Variants in ANKRD10 observed in about 807,000 individuals in gnomAD.
The protein encoded by ANKRD10 is ankyrin repeat domain-containing protein 10.
ANKRD10 carries 14 observed loss-of-function variants against 27.0 expected under a neutral mutation model. That is an observed-to-expected ratio of 0.52 (90% confidence interval 0.34 to 0.81). The LOEUF is 0.81. ANKRD10 is among the 40% of genes least tolerant of loss of function. The pLI is 0.01. For synonymous variants in ANKRD10, 250 were observed against 224.5 expected, an observed-to-expected ratio of 1.11 and a Z score of -1.01; for missense variants, 493 against 544.0, an observed-to-expected ratio of 0.91 and a Z score of 0.93.
chr13:110,899,945 C>T (rs1289070414), intron 3 of ANKRD10, among the ~76,000 whole-genome samples: 2 of 152,134 alleles, frequency 1.3e-5, no homozygotes, highest in African/African-American at 4.8e-5. Context: ...AGCACAGTGG[C>T]TCAACCCTAT....
At chr13:110,895,723 C>A (rs1045766518) in intron 3 of ANKRD10, among the ~76,000 whole-genome samples, 2 of 152,314 alleles carry the variant, frequency 1.3e-5, no homozygotes, top group African/African-American at 4.8e-5. Context: ...GAAGACTACA[C>A]TGAATTTGGG....
chr13:110,914,813 A>T lies in ANKRD10; in HGVS notation c.122T>A (p.Leu41Gln), dbSNP rs1336142421. 1 of 1,590,162 alleles carries T rather than the reference A, an allele frequency of 6.3e-7. No homozygotes were observed. The highest frequency in any genetic ancestry group is 8.6e-7 in the Non-Finnish European group (1 of 1,169,314). ...RDGDLATLCS[L>Q]LQQTPHAHLA... ...GTGGGCGTGGGGTGTCTGCTGCAGC[A>T]GCGAGCAGAGCGTGGCCAGGTCCCC... is the stretch of plus-strand genomic sequence containing the variant. Residue 41 changes from leucine to glutamine, a missense_variant, in exon 1 of 6, where the codon CTG (leucine) becomes CAG (glutamine). Coordinates refer to ENST00000267339, the MANE Select transcript of ANKRD10 (RefSeq NM_017664.4).
intron 4 of ANKRD10, among the ~76,000 whole-genome samples, chr13:110,892,027 T>C (rs188724917): frequency 6.6e-6 from 1 of 151,570 alleles, no homozygotes; most frequent in Admixed American, 6.6e-5. Flanking sequence ...ACATCTTATA[T>C]ATAGATATAG....
intron 3 of ANKRD10, among the ~76,000 whole-genome samples, chr13:110,897,537 G>C (rs181048322): frequency 1.6e-3 from 242 of 152,110 alleles, no homozygotes; most frequent in Non-Finnish European, 2.7e-3. Context: ...GAGAATAACA[G>C]AATTTTGTTT....
At chr13:110,892,838 T>C (rs2065118265) in intron 4 of ANKRD10, 190 bp downstream of exon 4, 14 of 1,371,616 alleles carry the variant, frequency 1.0e-5, no homozygotes, top group African/African-American at 1.5e-5. Context: ...TTCCCTCACA[T>C]TCCCTTTTGT....
intron 1 of ANKRD10, among the ~76,000 whole-genome samples, chr13:110,913,468 C>T (rs888688793): frequency 1.3e-5 from 2 of 152,232 alleles, no homozygotes; most frequent in Non-Finnish European, 2.9e-5. Flanking sequence ...CCACAGGAAC[C>T]TAACAGCCCT....
intron 2 of ANKRD10, among the ~76,000 whole-genome samples, 197 bp from the exon 3 acceptor site, chr13:110,906,321 T>A (rs567809844): frequency 6.6e-6 from 1 of 152,098 alleles, no homozygotes; most frequent in Non-Finnish European, 1.5e-5. Context: ...GCCAAGATAT[T>A]TGGTCGTTGA....
At chr13:110,901,444 T>C (rs2065377302) in intron 3 of ANKRD10, among the ~76,000 whole-genome samples, 1 of 152,256 alleles carries the variant, frequency 6.6e-6, no homozygotes, top group South Asian at 2.1e-4. Context: ...ATATTTAGCA[T>C]GCTCCTGCTA....
intron 4 of ANKRD10, among the ~76,000 whole-genome samples, chr13:110,891,436 C>T (rs1341459130): frequency 6.6e-6 from 1 of 152,050 alleles, no homozygotes; most frequent in Non-Finnish European, 1.5e-5. Context: ...AGCATCTTTC[C>T]AGAAATGCTT....
At position 110,914,385 on chromosome 13, in the gene ANKRD10, C is replaced by CGG. The variant is rs570320353; in HGVS notation, c.210+339_210+340insCC. 9.5e-4 allele frequency: 175 copies of CGG among 183,946 alleles called. 1 individual carries two copies. The East Asian group carries it at 0.015, about 16-fold the overall frequency. 11.4% of individuals were successfully genotyped at this position (183,946 alleles called of 1,614,324 possible). A position where few individuals can be genotyped will look rare whatever the true frequency, so the allele number is the denominator to read the frequency against. On this transcript the variant is annotated intron_variant, in intron 1 of 5. Coordinates refer to ENST00000267339, the MANE Select transcript of ANKRD10 (RefSeq NM_017664.4). ...GAGGGCCCCGCACCATCCGCGCGCGCGCGCGCTCGCACAGGATCCGGCCAA... is the reference window on the plus strand; with the variant it reads ...GAGGGCCCCGCACCATCCGCGCGCGCGGGCGCGCTCGCACAGGATCCGGCCAA...
In ANKRD10 at chr13:110,879,507, A is replaced by T; in HGVS notation, c.*130T>A. The T allele has an allele frequency of 1.4e-6, 1 of 723,144 alleles. No individual in the cohort carries two copies. The highest frequency in any genetic ancestry group is 2.3e-6 in the Non-Finnish European group (1 of 442,078). The allele number at this position is 723,144 out of a possible 1,614,324, so 44.8% of individuals were successfully genotyped here. ...AGTTGCTGGGAACTTGTCGAAGTTT[A>T]CTTTTTCAGAAAGTTGAAGTATATA... On this transcript the variant is annotated 3_prime_UTR_variant, in exon 6 of 6. Coordinates refer to ENST00000267339, the MANE Select transcript of ANKRD10 (RefSeq NM_017664.4).
intron 3 of ANKRD10, among the ~76,000 whole-genome samples, chr13:110,898,577 CTG>C (rs896399660): frequency 6.6e-6 from 1 of 151,788 alleles, no homozygotes; most frequent in African/African-American, 2.4e-5. Context: ...GTTTTTTTGT[CTG>C]TTTGTTTTAA....
At chr13:110,900,056 C>CA (rs200225094) in intron 3 of ANKRD10, among the ~76,000 whole-genome samples, 1 of 150,700 alleles carries the variant, frequency 6.6e-6, no homozygotes, top group Admixed American at 6.6e-5. Context: ...TTCAAACACT[C>CA]AAATTTATAT....
chr13:110,899,903 A>T (rs1470209962), intron 3 of ANKRD10, among the ~76,000 whole-genome samples: 1 of 152,170 alleles, frequency 6.6e-6, no homozygotes. Flanking sequence ...CTTATTCTGA[A>T]TAGAATATTA....
intron 3 of ANKRD10, among the ~76,000 whole-genome samples, chr13:110,901,162 T>G (rs2065369995): frequency 6.6e-6 from 1 of 152,184 alleles, no homozygotes; most frequent in Non-Finnish European, 1.5e-5. Context: ...GATAAAACAT[T>G]AGCAAACATC....
intron 4 of ANKRD10, among the ~76,000 whole-genome samples, chr13:110,888,272 G>T (rs1473079076): frequency 4.0e-5 from 6 of 151,482 alleles, no homozygotes; most frequent in African/African-American, 1.5e-4. Context: ...CAACTGTGCT[G>T]AGGACAACTC....
At chr13:110,914,455 C>G (rs1390827454) in intron 1 of ANKRD10, 2 of 298,336 alleles carry the variant, frequency 6.7e-6, no homozygotes, top group African/African-American at 4.4e-5. Flanking sequence ...AAACTTGCTA[C>G]GCGCGCCGCC....
At chr13:110,883,081 A>G (rs1264383712) in intron 5 of ANKRD10, 2 of 152,244 alleles carry the variant, frequency 1.3e-5, no homozygotes, top group Admixed American at 6.5e-5. Context: ...ATTAATGTAT[A>G]AAATGTGTGT....
chr13:110,900,368 T>C (rs1244875494), intron 3 of ANKRD10, among the ~76,000 whole-genome samples: 1 of 152,232 alleles, frequency 6.6e-6, no homozygotes, highest in Admixed American at 6.5e-5. Flanking sequence ...ACAATTTTTA[T>C]ATAAATAATA....
Sources: gnomAD v4.1 joint callset for allele counts (sites outside exome capture counted in the v4.1 genomes callset) on GRCh38, gnomAD v4.1.1 for gene constraint, MANE v1.5 for transcripts, NCBI Gene and HGNC (gene_info 2026-07-23, HGNC 2026-07-21) for gene names.